The following TMEM33 variants were observed in gnomAD, a reference collection of about 807,000 sequenced individuals.
The protein encoded by TMEM33 is transmembrane protein 33.
Under a neutral mutation model 29.7 loss-of-function variants are expected in TMEM33, and 16 were observed. The observed-to-expected ratio is 0.54, with a 90% CI of 0.36 to 0.82. The LOEUF is 0.82. Ranked by LOEUF, TMEM33 falls within the 40% of genes least tolerant of loss-of-function variation. The pLI is 0.00. For missense variants in TMEM33, 252 were observed against 295.3 expected (o/e 0.85, Z 1.08); for synonymous variants, 112 against 109.4 (o/e 1.02, Z -0.15).
At position 41,939,809 on chromosome 4, in the gene TMEM33, G is replaced by T. The variant is rs766031325; in HGVS notation, c.328+426G>T. On this transcript the variant is annotated intron_variant, in intron 3 of 6. Coordinates refer to ENST00000504986, the MANE Select transcript of TMEM33 (RefSeq NM_018126.3). ...CTAGATACAAATGGAATTTAACCAAGAAACAACTTATTTAAGCAGGTAATG... is the reference window on the plus strand; with the variant it reads ...CTAGATACAAATGGAATTTAACCAATAAACAACTTATTTAAGCAGGTAATG... The T allele has an allele frequency of 8.8e-6, 4 of 456,106 alleles. No individual in the cohort carries two copies. The East Asian group carries it at 2.1e-4, about 24-fold the overall frequency. The allele number at this position is 456,106 out of a possible 1,614,324, so 28.3% of individuals were successfully genotyped here. A position where few individuals can be genotyped will look rare whatever the true frequency, so the allele number is the denominator to read the frequency against.
intron 6 of TMEM33, among the ~76,000 whole-genome samples, chr4:41,951,245 A>G (rs1713025897): frequency 6.6e-6 from 1 of 152,060 alleles, no homozygotes; most frequent in Non-Finnish European, 1.5e-5. Flanking sequence ...AATTCATAAA[A>G]CTTAGAACTT....
At chr4:41,940,936 G>A (rs1490431549) in intron 3 of TMEM33, among the ~76,000 whole-genome samples, 1 of 151,990 alleles carries the variant, frequency 6.6e-6, no homozygotes, top group African/African-American at 2.4e-5. Flanking sequence ...CCACACATTG[G>A]CTAGTAAGTA....
chr4:41,950,484 G>A (rs1712992539), intron 6 of TMEM33, among the ~76,000 whole-genome samples: 1 of 151,960 alleles, frequency 6.6e-6, no homozygotes, highest in Non-Finnish European at 1.5e-5. Flanking sequence ...TCCTTCTGGG[G>A]GTGAAGCGAA....
chr4:41,952,400 G>T (rs986789512), intron 6 of TMEM33, among the ~76,000 whole-genome samples: 7 of 152,198 alleles, frequency 4.6e-5, no homozygotes, highest in African/African-American at 1.4e-4. Context: ...CTTTATACAG[G>T]ATGAGTCAGC....
At chr4:41,935,263 G>A, upstream of TMEM33, 1 of 623,414 alleles carries the variant, frequency 1.6e-6, no homozygotes, top group East Asian at 2.7e-5. Flanking sequence ...TGCGGGACAG[G>A]TACCTCCCGG....
Position 41,954,320 on chromosome 4 carries a change from A to G in TMEM33, c.*121A>G. 1 of 1,070,674 alleles carries G rather than the reference A, an allele frequency of 9.3e-7. No individual in the cohort carries two copies. The highest frequency in any genetic ancestry group is 1.3e-6 in the Non-Finnish European group (1 of 775,422). 66.3% of individuals were successfully genotyped at this position (1,070,674 alleles called of 1,614,324 possible). Reference sequence around the variant, plus strand: ...AATCCAATTTACATAATTTACATAAATGCATCTCGGTGGAAAAATAATCAT... The same window carrying G: ...AATCCAATTTACATAATTTACATAAGTGCATCTCGGTGGAAAAATAATCAT... On this transcript the variant is annotated 3_prime_UTR_variant, in exon 7 of 7. Transcript: ENST00000504986.
intron 4 of TMEM33, 87 bp from the exon 5 acceptor site, chr4:41,944,706 G>A (rs1712701416): frequency 1.3e-6 from 2 of 1,485,050 alleles, no homozygotes; most frequent in Admixed American, 2.1e-5. Flanking sequence ...TGTATTGCCT[G>A]TTGGATAGGC....
chr4:41,947,964 A>G lies in TMEM33; in HGVS notation c.531-1338A>G, dbSNP rs570663927. On this transcript the variant is annotated intron_variant, in intron 5 of 6. Transcript: ENST00000504986. ...AATATTCATTAGTACGGAGTTTGTT[A>G]CATAATAGTCCAAGCATTAGATGGT... Among the ~76,000 whole-genome samples the G allele has an allele frequency of 4.7e-4, 71 of 152,322 alleles. 1 individual carries two copies. The highest frequency in any genetic ancestry group is 1.6e-3 in the African/African-American group (68 of 41,574).
rs1006151712 is a variant in TMEM33, at chr4:41,957,284, T to TGG, written c.*3086_*3087dup. ...GTATTTAGGTTTTTTTTTTTTTTTT[T>TGG]GGAATGAAGTTCAGAGGTAGATCCT... On this transcript the variant is annotated 3_prime_UTR_variant, in exon 7 of 7. Coordinates refer to ENST00000504986, the MANE Select transcript of TMEM33 (RefSeq NM_018126.3). The TGG allele has an allele frequency of 5.3e-5, 8 of 150,980 alleles. No individual in the cohort carries two copies. The highest frequency in any genetic ancestry group is 1.9e-4 in the African/African-American group (8 of 41,094). The allele number at this position is 150,980 out of a possible 1,614,324, so 9.4% of individuals were successfully genotyped here. A position where few individuals can be genotyped will look rare whatever the true frequency, so the allele number is the denominator to read the frequency against.
intron 6 of TMEM33, among the ~76,000 whole-genome samples, chr4:41,950,201 G>A (rs960251597): frequency 2.6e-5 from 4 of 152,026 alleles, no homozygotes; most frequent in Non-Finnish European, 5.9e-5. Flanking sequence ...CAGGAATGGA[G>A]GCTTAAATTA....
chr4:41,951,485 G>A (rs1269381846), intron 6 of TMEM33, among the ~76,000 whole-genome samples: 3 of 152,176 alleles, frequency 2.0e-5, no homozygotes, highest in African/African-American at 7.2e-5. Context: ...CTGTGCCAGC[G>A]ATGCAGCCAG....
chr4:41,937,274 T>C (rs973114937), intron 1 of TMEM33, among the ~76,000 whole-genome samples: 5 of 152,208 alleles, frequency 3.3e-5, no homozygotes, highest in African/African-American at 4.8e-5. Context: ...GTCATAATAT[T>C]TGTTGAGAAA....
At chr4:41,943,116 C>T (rs141202711) in intron 3 of TMEM33, among the ~76,000 whole-genome samples, 1 of 152,306 alleles carries the variant, frequency 6.6e-6, no homozygotes, top group East Asian at 1.9e-4. Context: ...AGAAGCTATA[C>T]TTACAACCCT....
At chr4:41,941,248 A>G (rs147375262) in intron 3 of TMEM33, among the ~76,000 whole-genome samples, 3 of 152,360 alleles carry the variant, frequency 2.0e-5, no homozygotes, top group African/African-American at 7.2e-5. Flanking sequence ...CTATACTACA[A>G]CTGTAAATGA....
intron 6 of TMEM33, chr4:41,953,676 T>G: frequency 2.2e-6 from 1 of 444,692 alleles, no homozygotes; most frequent in Admixed American, 2.4e-5. Flanking sequence ...GTATTGTGTC[T>G]CAAAGAATAG....
At chr4:41,945,281 A>T (rs1433900472) in intron 5 of TMEM33, among the ~76,000 whole-genome samples, 1 of 152,214 alleles carries the variant, frequency 6.6e-6, no homozygotes, top group Non-Finnish European at 1.5e-5. Context: ...TTATATTAAT[A>T]GTGCCTACTA....
intron 1 of TMEM33, among the ~76,000 whole-genome samples, chr4:41,936,563 C>T (rs1702605323): frequency 6.6e-6 from 1 of 152,038 alleles, no homozygotes; most frequent in Admixed American, 6.6e-5. Context: ...AACAAACAAA[C>T]AAACATAAAT....
rs1298998716 is a variant in TMEM33, at chr4:41,959,404, CAA to C, written c.*5206_*5207del. ...TGACCTGCAGTGTCAGTTGATGTGA[CAA>C]GAGATAAAGAAAGCACAGTATTTTA... On this transcript the variant is annotated 3_prime_UTR_variant, in exon 7 of 7. Coordinates refer to ENST00000504986, the MANE Select transcript of TMEM33 (RefSeq NM_018126.3). 19 of 152,238 alleles carry C rather than the reference CAA, an allele frequency of 1.2e-4. No individual in the cohort carries two copies. Among genetic ancestry groups the C allele is most frequent in the African/African-American group, 3.9e-4 (16 of 41,546 alleles). The allele number at this position is 152,238 out of a possible 1,614,324, so 9.4% of individuals were successfully genotyped here.
chr4:41,935,493 T>TA lies in TMEM33; in HGVS notation c.10dup (p.Thr4AsnfsTer19). 1.2e-6 allele frequency: 2 copies of TA among 1,609,950 alleles called. No homozygotes were observed. The highest frequency in any genetic ancestry group is 1.7e-6 in the Non-Finnish European group (2 of 1,178,210). On this transcript the variant is annotated frameshift_variant, in exon 1 of 7. Transcript: ENST00000504986. LOFTEE classifies it high-confidence loss of function. ...CGCTAGTGTGAGCCCCCATGGCAGA[T>TA]ACGACCCCGAACGGCCCCCAAGGGG...
Sources: allele counts gnomAD v4.1 joint callset (sites outside exome capture counted in the v4.1 genomes callset), GRCh38; gene constraint gnomAD v4.1.1; transcripts MANE v1.5; gene names NCBI Gene and HGNC (gene_info 2026-07-23, HGNC 2026-07-21).